The following POLQ variants were observed in gnomAD, a reference collection of about 807,000 sequenced individuals.
The protein encoded by POLQ is DNA polymerase theta, also known as epididymis secretory sperm binding protein.
A neutral mutation model predicts 259.2 loss-of-function variants in POLQ; 233 were observed. That is an observed-to-expected ratio of 0.90 (90% CI 0.81 to 1.00). The LOEUF (loss-of-function observed/expected upper bound fraction) is 1.00, where lower values mean the gene tolerates loss of function less well. Ranked by LOEUF, POLQ falls within the 50% of genes least tolerant of loss-of-function variation. POLQ has a pLI of 0.00. For missense variants in POLQ, 2,871 were observed against 3,051.6 expected (o/e 0.94, Z 1.39); for synonymous variants, 1,025 against 1,048.8 (o/e 0.98, Z 0.44).
At chr3:121,435,866 T>C (rs937567517) in intron 28 of POLQ, among the ~76,000 whole-genome samples, 1 of 152,254 alleles carries the variant, frequency 6.6e-6, no homozygotes, top group Admixed American at 6.5e-5. Context: ...TGTCAAAATA[T>C]GGTGAGTTTG....
At chr3:121,446,076 T>A (rs756683878) in intron 26 of POLQ, among the ~76,000 whole-genome samples, 1 of 152,124 alleles carries the variant, frequency 6.6e-6, no homozygotes, top group Non-Finnish European at 1.5e-5. Context: ...TAGGCACTTA[T>A]AGCTATAAAC....
intron 24 of POLQ, among the ~76,000 whole-genome samples, chr3:121,463,907 G>A (rs1411196200): frequency 1.3e-5 from 2 of 152,062 alleles, no homozygotes; most frequent in Non-Finnish European, 2.9e-5. Flanking sequence ...TTATGTATGT[G>A]TACAAATGCT....
chr3:121,488,669 A>T lies in POLQ; in HGVS notation c.4262T>A (p.Ile1421Lys). Reference protein sequence around the residue: ...TPESPIFHSPILLEENGLFLK... With the variant: ...TPESPIFHSPKLLEENGLFLK... Reference sequence around the variant, plus strand: ...AAAAAGACCATTTTCCTCCAATAGTATTGGAGAATGGAAAATCGGGCTTTC... The same window carrying T: ...AAAAAGACCATTTTCCTCCAATAGTTTTGGAGAATGGAAAATCGGGCTTTC... Residue 1421 changes from isoleucine to lysine, a missense_variant, in exon 16 of 30, where the codon ATA (isoleucine) becomes AAA (lysine). Transcript: ENST00000264233. 6.3e-7 allele frequency: 1 copy of T among 1,591,526 alleles called. No homozygotes were observed. Among genetic ancestry groups the T allele is most frequent in the South Asian group, 1.1e-5 (1 of 89,286 alleles).
chr3:121,441,975 A>C (rs544850172), intron 26 of POLQ, among the ~76,000 whole-genome samples: 2 of 152,164 alleles, frequency 1.3e-5, no homozygotes, highest in African/African-American at 4.8e-5. Context: ...TAATATGGTC[A>C]TTCATATCTT....
At chr3:121,494,844 C>T in intron 14 of POLQ, 1 of 1,584,542 alleles carries the variant, frequency 6.3e-7, no homozygotes, top group Non-Finnish European at 8.6e-7. Flanking sequence ...GGTCCTAAGT[C>T]TGTGGCTCGT....
chr3:121,439,580 A>C (rs1398298556), intron 27 of POLQ, among the ~76,000 whole-genome samples: 1 of 152,206 alleles, frequency 6.6e-6, no homozygotes, highest in Non-Finnish European at 1.5e-5. Context: ...ACCAAAAATT[A>C]ATCAAAATTT....
Position 121,454,847 on chromosome 3 carries a change from C to T in POLQ, c.7152+5203G>A, listed in dbSNP as rs535917989. 1.5e-3 allele frequency among the ~76,000 whole-genome samples: 230 copies of T among 152,136 alleles called. 3 individuals are homozygous for T. The highest frequency in any genetic ancestry group is 5.6e-3 in the South Asian group (27 of 4,810). ...ACGAGACAGAAAGTTAACAAGGATA[C>T]CCAGGAATTGAACTCAGCTCTGCAC... On this transcript the variant is annotated intron_variant, in intron 25 of 29. Coordinates refer to ENST00000264233, the MANE Select transcript of POLQ (RefSeq NM_199420.4).
intron 24 of POLQ, among the ~76,000 whole-genome samples, chr3:121,465,994 C>T (rs1180010083): frequency 6.6e-6 from 1 of 152,170 alleles, no homozygotes; most frequent in Non-Finnish European, 1.5e-5. Context: ...AGCTAGGCCT[C>T]TTGTGCCATA....
In POLQ at chr3:121,439,228, CTT is replaced by C. The variant is rs5852268; in HGVS notation, c.7389+762_7389+763del. ...TTAATAATCTCTGATGAGATAGTGC[CTT>C]TTTTTTTTTTTTTAATTAAACATAG... On this transcript the variant is annotated intron_variant, in intron 27 of 29. Transcript: ENST00000264233. 6.3e-3 allele frequency among the ~76,000 whole-genome samples: 898 copies of C among 142,934 alleles called. 6 individuals are homozygous for C. Among genetic ancestry groups the C allele is most frequent in the African/African-American group, 0.013 (510 of 38,778 alleles). The allele number at this position is 142,934 out of a possible 152,430, so 93.8% of individuals were successfully genotyped here.
intron 22 of POLQ, among the ~76,000 whole-genome samples, chr3:121,471,658 C>T (rs535222317): frequency 1.6e-4 from 25 of 152,298 alleles, no homozygotes; most frequent in African/African-American, 5.5e-4. Flanking sequence ...AGGAGAATCA[C>T]TTGAACCTGG....
At chr3:121,525,117 G>A (rs769130119) in intron 7 of POLQ, among the ~76,000 whole-genome samples, 2 of 152,092 alleles carry the variant, frequency 1.3e-5, no homozygotes, top group African/African-American at 2.4e-5. Context: ...CAAGGCGAGT[G>A]GATCACGAGG....
intron 9 of POLQ, among the ~76,000 whole-genome samples, chr3:121,515,598 C>A (rs552572674): frequency 7.2e-5 from 11 of 152,242 alleles, no homozygotes; most frequent in Non-Finnish European, 1.5e-4. Context: ...AGCAGCCCAA[C>A]TATCTACAGA....
rs139484347 is a variant in POLQ, at chr3:121,489,501, T to C, written c.3430A>G (p.Lys1144Glu). 6.2e-7 allele frequency: 1 copy of C among 1,614,112 alleles called. No individual in the cohort carries two copies. Among genetic ancestry groups the C allele is most frequent in the African/African-American group, 1.3e-5 (1 of 75,078 alleles). ...CTAGTGGCCTGACAAGTCACATTTTTACTCTGAGATCCTGTGACAATATGC... is the reference window on the plus strand; with the variant it reads ...CTAGTGGCCTGACAAGTCACATTTTCACTCTGAGATCCTGTGACAATATGC... ...VEHIVTGSQS[K>E]NVTCQATSVV... The change falls in exon 16 of 30, where the codon AAA becomes GAA. Residue 1144 changes from lysine (K) to glutamate (E), a missense_variant. Physicochemically the swap from Lys to Glu is moderately conservative, Grantham distance 56. Coordinates refer to ENST00000264233, the MANE Select transcript of POLQ (RefSeq NM_199420.4).
intron 13 of POLQ, among the ~76,000 whole-genome samples, chr3:121,497,652 G>T (rs2048135407): frequency 6.6e-6 from 1 of 152,010 alleles, no homozygotes; most frequent in African/African-American, 2.4e-5. Context: ...GGCCAGGCTG[G>T]TCTCAAACTC....
intron 29 of POLQ, 125 bp downstream of exon 29, chr3:121,432,793 T>C: frequency 1.5e-6 from 1 of 663,488 alleles, no homozygotes; most frequent in Non-Finnish European, 2.7e-6. Flanking sequence ...GGACTCAATA[T>C]TTATACAGCC....
chr3:121,527,476 C>T (rs1342971789), intron 7 of POLQ, among the ~76,000 whole-genome samples: 3 of 152,206 alleles, frequency 2.0e-5, no homozygotes, highest in African/African-American at 4.8e-5. Context: ...GAATTATTGA[C>T]ATAAGCCACC....
At chr3:121,541,296 A>G (rs1350557271) in intron 3 of POLQ, 53 bp downstream of exon 3, 18 of 1,422,222 alleles carry the variant, frequency 1.3e-5, no homozygotes, top group African/African-American at 4.3e-5. Context: ...GAATGAAACC[A>G]AGACTGCCAA....
intron 19 of POLQ, among the ~76,000 whole-genome samples, chr3:121,480,012 A>G (rs1360659981): frequency 6.6e-6 from 1 of 152,042 alleles, no homozygotes; most frequent in African/African-American, 2.4e-5. Flanking sequence ...TTATGAAAGA[A>G]AAAGAGAATA....
At position 121,488,057 on chromosome 3, in the gene POLQ, T is replaced by G. The variant is rs2108797642; in HGVS notation, c.4874A>C (p.Gln1625Pro). The G allele has an allele frequency of 6.2e-7, 1 of 1,614,096 alleles. No homozygotes were observed. The highest frequency in any genetic ancestry group is 2.2e-5 in the East Asian group (1 of 44,864). ...CCCTGACCATATGAATGAATGATTTTGCCTGGTCCCAGTTAATTTTGATTT... is the reference window on the plus strand; with the variant it reads ...CCCTGACCATATGAATGAATGATTTGGCCTGGTCCCAGTTAATTTTGATTT... ...AEKSKLTGTRQNHSFIWSGAS... is the reference protein window; with the variant it reads ...AEKSKLTGTRPNHSFIWSGAS... The change falls in exon 16 of 30, where the codon CAA (glutamine) becomes CCA (proline). Residue 1625 changes from glutamine (Q) to proline (P), a missense_variant. Physicochemically the swap from Gln to Pro is moderately conservative, Grantham distance 76. Transcript: ENST00000264233.
Sources: allele counts gnomAD v4.1 joint callset (sites outside exome capture counted in the v4.1 genomes callset), GRCh38; gene constraint gnomAD v4.1.1; transcripts MANE v1.5; gene names NCBI Gene and HGNC (gene_info 2026-07-23, HGNC 2026-07-21).